The following NRG2 variants were observed in gnomAD, a reference collection of about 807,000 sequenced individuals.
NRG2 encodes the protein pro-neuregulin-2, membrane-bound isoform.
In NRG2, 27 loss-of-function variants were observed where a neutral mutation model predicts 73.9. The observed-to-expected ratio is 0.37, with a 90% CI of 0.27 to 0.50. The LOEUF (loss-of-function observed/expected upper bound fraction) is 0.50, where lower values mean the gene tolerates loss of function less well. NRG2 is among the 20% of genes least tolerant of loss of function. NRG2 has a pLI of 0.96. For missense variants in NRG2, 1,126 were observed against 1,210.1 expected (o/e 0.93, Z 1.03); for synonymous variants, 532 against 541.0 (o/e 0.98, Z 0.23).
At chr5:140,014,480 G>T (rs553659271) in intron 1 of NRG2, among the ~76,000 whole-genome samples, 2 of 152,128 alleles carry the variant, frequency 1.3e-5, no homozygotes, top group South Asian at 2.1e-4. Flanking sequence ...CAAGCAATTC[G>T]CCCGTCTCAG....
intron 1 of NRG2, among the ~76,000 whole-genome samples, chr5:139,972,849 A>C (rs1756078087): frequency 6.6e-6 from 1 of 152,216 alleles, no homozygotes; most frequent in Non-Finnish European, 1.5e-5. Flanking sequence ...GAAAAAGATA[A>C]ATACCTCAAC....
chr5:139,977,695 ACT>A (rs10571100), intron 1 of NRG2, among the ~76,000 whole-genome samples: 12,052 of 152,228 alleles, frequency 0.079, 690 homozygotes, highest in African/African-American at 0.17. Flanking sequence ...TTCAAATGAT[ACT>A]ACAAGGCTAC....
At chr5:139,867,442 C>T (rs766175796) in intron 4 of NRG2, among the ~76,000 whole-genome samples, 59 of 152,082 alleles carry the variant, frequency 3.9e-4, no homozygotes, top group Non-Finnish European at 6.8e-4. Context: ...AGGAGACTGC[C>T]ATCAGCCCCC....
intron 1 of NRG2, among the ~76,000 whole-genome samples, chr5:140,007,178 C>G (rs1758974061): frequency 6.6e-6 from 1 of 151,982 alleles, no homozygotes; most frequent in Admixed American, 6.6e-5. Flanking sequence ...TCATTTGGCT[C>G]AAAATGCTAA....
At position 139,947,132 on chromosome 5, in the gene NRG2, G is replaced by T. The variant is rs80316750; in HGVS notation, c.701-59621C>A. On this transcript the variant is annotated intron_variant, in intron 1 of 9. Transcript: ENST00000361474. Reference sequence around the variant, plus strand: ...CATACAATTCACACATTTAAAGTGTGCAATTCAATGATTTTTAAATATATT... The same window carrying T: ...CATACAATTCACACATTTAAAGTGTTCAATTCAATGATTTTTAAATATATT... Among the ~76,000 whole-genome samples the T allele has an allele frequency of 1.0e-3, 153 of 152,190 alleles. 3 individuals carry two copies. The highest frequency in any genetic ancestry group is 3.6e-3 in the African/African-American group (150 of 41,556).
chr5:139,989,924 G>A lies in NRG2; in HGVS notation c.700+52446C>T, dbSNP rs1030391026. 6.6e-5 allele frequency among the ~76,000 whole-genome samples: 10 copies of A among 151,390 alleles called. No homozygotes were observed. The East Asian group carries it at 1.7e-3, about 26-fold the overall frequency. On this transcript the variant is annotated intron_variant, in intron 1 of 9. Coordinates refer to ENST00000361474, the MANE Select transcript of NRG2 (RefSeq NM_004883.3). ...CTGCCTCAGCCTCCCGAGTAGCTGG[G>A]ACTACAGGTGCCCACCACCACGCCC...
chr5:140,043,049 T>G lies in NRG2; in HGVS notation c.21A>C (p.Ser7=). 1 of 1,536,346 alleles carries G rather than the reference T, an allele frequency of 6.5e-7. No individual in the cohort carries two copies. The highest frequency in any genetic ancestry group is 1.4e-5 in the African/African-American group (1 of 72,778). Residue 7 remains serine (S), a synonymous_variant, in exon 1 of 10, where the codon TCA becomes TCC. Transcript: ENST00000361474. The surrounding 1 kb of genome is among the most constrained non-coding windows in gnomAD (Gnocchi z 6.7). ...TCTCCAGTGGCGGCGGCGGCAGCGC[T>G]GAGCAGCAAACCTGCCGCATCTGGC... is the stretch of plus-strand genomic sequence containing the variant. The part of the protein sequence containing the change: MRQVCC[S]ALPPPPLEKG...
chr5:139,945,012 A>T (rs1292005432), intron 1 of NRG2, among the ~76,000 whole-genome samples: 1 of 152,126 alleles, frequency 6.6e-6, no homozygotes, highest in Non-Finnish European at 1.5e-5. Context: ...AGTGATGCTG[A>T]GGATTTTTCA....
intron 4 of NRG2, among the ~76,000 whole-genome samples, chr5:139,866,054 G>A (rs753261194): frequency 1.2e-4 from 18 of 152,258 alleles, no homozygotes; most frequent in Non-Finnish European, 2.2e-4. Flanking sequence ...TCCCAGGACC[G>A]ACTGAAGGAT....
At chr5:139,914,309 C>T (rs1005659172) in intron 1 of NRG2, among the ~76,000 whole-genome samples, 10 of 152,222 alleles carry the variant, frequency 6.6e-5, no homozygotes, top group Admixed American at 1.3e-4. Flanking sequence ...GGTACACTAA[C>T]TTATAAGGGA....
chr5:140,039,722 T>G (rs1761773942), intron 1 of NRG2, among the ~76,000 whole-genome samples: 1 of 151,910 alleles, frequency 6.6e-6, no homozygotes, highest in South Asian at 2.1e-4. Flanking sequence ...GCTTTCTAGG[T>G]GACTTCCCAG....
intron 1 of NRG2, among the ~76,000 whole-genome samples, chr5:139,973,426 C>T (rs1161616963): frequency 6.6e-6 from 1 of 152,122 alleles, no homozygotes; most frequent in Non-Finnish European, 1.5e-5. Flanking sequence ...GGCACGATCA[C>T]AGCTCACTGC....
rs3777107 is a variant in NRG2, at chr5:139,867,103, T to C, written c.1113-1478A>G. Among the ~76,000 whole-genome samples the C allele has an allele frequency of 9.1e-3, 1,379 of 152,322 alleles. 21 individuals are homozygous for C. The highest frequency in any genetic ancestry group is 0.081 in the East Asian group (418 of 5,180). ...GGCAAGTGTACTCTATTTCTTAGCA[T>C]TGCAGTATATAGCAACTGTCAGGAA... is the stretch of plus-strand genomic sequence containing the variant. On this transcript the variant is annotated intron_variant, in intron 4 of 9. Coordinates refer to ENST00000361474, the MANE Select transcript of NRG2 (RefSeq NM_004883.3).
intron 1 of NRG2, among the ~76,000 whole-genome samples, chr5:139,938,946 AAAGAAAG>A (rs1753128694): frequency 1.4e-5 from 2 of 145,036 alleles, no homozygotes; most frequent in African/African-American, 2.6e-5. Flanking sequence ...AGAAAGAAAG[AAAGAAAG>A]AAAGAAAAAA....
intron 1 of NRG2, among the ~76,000 whole-genome samples, chr5:139,939,337 T>G (rs1753213223): frequency 6.6e-6 from 1 of 151,786 alleles, no homozygotes; most frequent in African/African-American, 2.4e-5. Flanking sequence ...GGGTAGTGCA[T>G]GATCTCAGCT....
chr5:140,015,491 G>A (rs1405078416), intron 1 of NRG2, among the ~76,000 whole-genome samples: 2 of 152,148 alleles, frequency 1.3e-5, no homozygotes, highest in Non-Finnish European at 2.9e-5. Context: ...TGTGTCCCCA[G>A]TACCCAAGAC....
intron 1 of NRG2, 137 bp downstream of exon 1, chr5:140,042,233 T>C (rs1581010033): frequency 1.8e-5 from 1 of 56,964 alleles, no homozygotes; most frequent in South Asian, 3.5e-4. Flanking sequence ...CCAGGCGCCC[T>C]GCCCAGGGGC....
At chr5:139,859,897 T>C in intron 5 of NRG2, 1 of 1,610,316 alleles carries the variant, frequency 6.2e-7, no homozygotes, top group East Asian at 2.2e-5. Flanking sequence ...ACCCTTTAAT[T>C]CAAATCCAAG....
chr5:139,913,031 G>C (rs1750959560), intron 1 of NRG2, among the ~76,000 whole-genome samples: 1 of 152,092 alleles, frequency 6.6e-6, no homozygotes, highest in Non-Finnish European at 1.5e-5. Flanking sequence ...TCAACTACTG[G>C]TTCTCTGGAA....
Sources: gnomAD v4.1 joint callset for allele counts (sites outside exome capture counted in the v4.1 genomes callset) on GRCh38, gnomAD v4.1.1 for gene constraint, Gnocchi (gnomAD v3.1) non-coding constraint, MANE v1.5 for transcripts, NCBI Gene and HGNC (gene_info 2026-07-23, HGNC 2026-07-21) for gene names.